GUCY1A2: variants seen among roughly 807,000 people sequenced by gnomAD.
The protein encoded by GUCY1A2 is guanylate cyclase soluble subunit alpha-2.
A neutral mutation model predicts 63.5 loss-of-function variants in GUCY1A2; 27 were observed. The ratio of observed to expected loss-of-function variants is 0.43; its 90% CI spans 0.31 to 0.59. The LOEUF is 0.59. Ranked by LOEUF, GUCY1A2 falls within the 20% of genes least tolerant of loss-of-function variation. GUCY1A2 has a pLI of 0.11. For missense variants in GUCY1A2, 768 were observed against 913.3 expected, an observed-to-expected ratio of 0.84 and a Z score of 2.05; for synonymous variants, 364 against 343.5, an observed-to-expected ratio of 1.06 and a Z score of -0.66.
intron 4 of GUCY1A2, among the ~76,000 whole-genome samples, chr11:106,920,499 GGTGGA>G (rs1342598117): frequency 2.0e-5 from 3 of 151,918 alleles, no homozygotes; most frequent in African/African-American, 7.3e-5. Flanking sequence ...CATTAACATG[GGTGGA>G]GTGTAAATTT....
At chr11:106,837,984 T>G (rs1050187326) in intron 4 of GUCY1A2, among the ~76,000 whole-genome samples, 1 of 151,958 alleles carries the variant, frequency 6.6e-6, no homozygotes, top group Admixed American at 6.6e-5. Context: ...ATCTTCTCTA[T>G]TCTGAGCACA....
intron 3 of GUCY1A2, among the ~76,000 whole-genome samples, chr11:106,941,260 G>C (rs1210382242): frequency 1.3e-5 from 2 of 152,126 alleles, no homozygotes; most frequent in South Asian, 4.1e-4. Context: ...CCACCTTATA[G>C]TGCTGGATAT....
rs1395648365 is a variant in GUCY1A2 at position 106,838,061 on chromosome 11, T to C, written c.1207-27583A>G. ...CTTTTCTCCAATCCTGCTATGTCTC[T>C]GTCCTATCCATTCTGGGAGATGCTT... is the stretch of plus-strand genomic sequence containing the variant. On this transcript the variant is annotated intron_variant, in intron 4 of 7. Transcript: ENST00000526355. Among the ~76,000 whole-genome samples, 3 of 152,044 alleles carry C rather than the reference T, an allele frequency of 2.0e-5. No individual in the cohort carries two copies. The East Asian group carries it at 5.8e-4, about 30-fold the overall frequency.
intron 6 of GUCY1A2, among the ~76,000 whole-genome samples, chr11:106,765,574 G>A (rs545079502): frequency 6.6e-6 from 1 of 152,206 alleles, no homozygotes; most frequent in South Asian, 2.1e-4. Context: ...CTGCCAGCAA[G>A]GCTCCAACCA....
intron 4 of GUCY1A2, among the ~76,000 whole-genome samples, chr11:106,873,896 ATGAAC>A (rs1859714663): frequency 6.6e-6 from 1 of 152,104 alleles, no homozygotes; most frequent in Non-Finnish European, 1.5e-5. Context: ...CAAATTGTCT[ATGAAC>A]TCTCCATGTC....
At chr11:106,845,456 T>TA (rs1338107832) in intron 4 of GUCY1A2, among the ~76,000 whole-genome samples, 3 of 151,526 alleles carry the variant, frequency 2.0e-5, no homozygotes, top group African/African-American at 7.3e-5. Flanking sequence ...ACAAACATGT[T>TA]ACGTGGATTG....
Position 107,017,945 on chromosome 11 carries a change from A to C in GUCY1A2, c.111T>G (p.Asn37Lys). 1.5e-6 allele frequency: 2 copies of C among 1,364,972 alleles called. No homozygotes were observed. The highest frequency in any genetic ancestry group is 1.9e-6 in the Non-Finnish European group (2 of 1,050,372). 84.6% of individuals were successfully genotyped at this position (1,364,972 alleles called of 1,614,324 possible). A position where few individuals can be genotyped will look rare whatever the true frequency, so the allele number is the denominator to read the frequency against. The change falls in exon 1 of 8, where the codon AAT becomes AAG. Residue 37 changes from asparagine (N) to lysine (K), a missense_variant. Physicochemically the swap from Asn to Lys is moderately conservative, Grantham distance 94. Around this residue, in one of 3 missense-constraint regions of GUCY1A2, gnomAD observed 496 missense variants for 486.9 expected, o/e 1.02. Coordinates refer to ENST00000526355, the MANE Select transcript of GUCY1A2 (RefSeq NM_000855.3). ...GCGGCCCGGGCGGGCTCCGGCTGCC[A>C]TTCCAGCAGAGCCTAGACAGGGGGC... ...GECPLSRLCWNGSRSPPGPLE... is the reference protein window; with the variant it reads ...GECPLSRLCWKGSRSPPGPLE...
intron 4 of GUCY1A2, among the ~76,000 whole-genome samples, chr11:106,871,451 T>A (rs1413052213): frequency 1.3e-5 from 2 of 152,108 alleles, no homozygotes; most frequent in African/African-American, 4.8e-5. Context: ...TCCATACAGC[T>A]CTCTTAACTT....
intron 4 of GUCY1A2, among the ~76,000 whole-genome samples, chr11:106,880,469 C>T (rs1340618366): frequency 6.6e-6 from 1 of 152,032 alleles, no homozygotes; most frequent in Non-Finnish European, 1.5e-5. Context: ...AACCCCACGT[C>T]TCATTCACTG....
chr11:106,718,665 T>G (rs1863258693), intron 6 of GUCY1A2, among the ~76,000 whole-genome samples: 1 of 152,102 alleles, frequency 6.6e-6, no homozygotes. Context: ...GAAACTGATT[T>G]AAATCAACTG....
chr11:106,872,958 C>T (rs1006821877), intron 4 of GUCY1A2, among the ~76,000 whole-genome samples: 1 of 151,744 alleles, frequency 6.6e-6, no homozygotes, highest in African/African-American at 2.4e-5. Flanking sequence ...GTGTTTTGTT[C>T]CCCTCCCTGT....
chr11:106,924,539 C>T (rs1419246281), intron 4 of GUCY1A2, among the ~76,000 whole-genome samples: 1 of 152,178 alleles, frequency 6.6e-6, no homozygotes, highest in African/African-American at 2.4e-5. Flanking sequence ...TTGTCCTTGG[C>T]ATGTACTAGC....
intron 6 of GUCY1A2, among the ~76,000 whole-genome samples, chr11:106,713,915 A>T: frequency 6.6e-6 from 1 of 151,932 alleles, no homozygotes; most frequent in East Asian, 1.9e-4. Flanking sequence ...AGATGCTAAG[A>T]CTGTCCGTTT....
intron 4 of GUCY1A2, among the ~76,000 whole-genome samples, chr11:106,832,536 AG>A (rs1399474404): frequency 2.6e-5 from 4 of 152,230 alleles, no homozygotes; most frequent in African/African-American, 9.6e-5. Context: ...ACTAGGATAC[AG>A]GTATTCTTGT....
intron 3 of GUCY1A2, among the ~76,000 whole-genome samples, chr11:106,967,257 T>A (rs1250036100): frequency 6.6e-6 from 1 of 152,146 alleles, no homozygotes; most frequent in Non-Finnish European, 1.5e-5. Context: ...AGTATAAACT[T>A]CCCTTTCCTA....
chr11:106,804,730 T>G (rs868664070), intron 5 of GUCY1A2, among the ~76,000 whole-genome samples: 3 of 152,216 alleles, frequency 2.0e-5, no homozygotes, highest in Admixed American at 2.0e-4. Context: ...TTTGATGAGG[T>G]TGCCATATTC....
At chr11:106,717,875 AT>A (rs1220130504) in intron 6 of GUCY1A2, among the ~76,000 whole-genome samples, 2 of 152,178 alleles carry the variant, frequency 1.3e-5, no homozygotes, top group African/African-American at 4.8e-5. Flanking sequence ...TTAATAATCA[AT>A]ATTTTTCTGA....
intron 4 of GUCY1A2, among the ~76,000 whole-genome samples, chr11:106,842,848 C>T (rs111843941): frequency 0.033 from 5,028 of 151,964 alleles, 134 homozygotes; most frequent in African/African-American, 0.073. Flanking sequence ...CCCTAACCAG[C>T]TGATGCAGCT....
chr11:106,783,853 G>A (rs796553807), intron 5 of GUCY1A2, among the ~76,000 whole-genome samples: 6 of 152,274 alleles, frequency 3.9e-5, no homozygotes, highest in African/African-American at 1.4e-4. Flanking sequence ...GTTTCAAAAG[G>A]TGGCATCCCA....
Sources: allele counts gnomAD v4.1 joint callset (sites outside exome capture counted in the v4.1 genomes callset), GRCh38; gene constraint gnomAD v4.1.1; regional missense constraint gnomAD v4.1.1; transcripts MANE v1.5; gene names NCBI Gene and HGNC (gene_info 2026-07-23, HGNC 2026-07-21).